The following FGF14 variants were observed in gnomAD, a reference collection of about 807,000 sequenced individuals.
FGF14 encodes fibroblast growth factor 14, also known as fibroblast growth factor homologous factor 4.
A neutral mutation model predicts 25.5 loss-of-function variants in FGF14; 5 were observed. The ratio of observed to expected loss-of-function variants is 0.20; its 90% CI spans 0.10 to 0.41. FGF14 has a LOEUF of 0.41. FGF14 is among the 10% of genes least tolerant of loss of function. The pLI is 1.00. For synonymous variants in FGF14, 138 were observed against 118.3 expected (o/e 1.17, Z -1.08); for missense variants, 222 against 320.1 (o/e 0.69, Z 2.34).
chr13:102,114,013 A>G (rs2045350775), intron 1 of FGF14, among the ~76,000 whole-genome samples: 1 of 152,208 alleles, frequency 6.6e-6, no homozygotes, highest in African/African-American at 2.4e-5. Flanking sequence ...AACAAGATCC[A>G]ATCCTTCAAC....
chr13:101,914,341 A>G (rs929572253), intron 1 of FGF14, among the ~76,000 whole-genome samples: 3 of 151,794 alleles, frequency 2.0e-5, no homozygotes, highest in Non-Finnish European at 4.4e-5. Context: ...CTCAAGAGAT[A>G]TATCTGTATT....
chr13:102,050,381 T>C (rs1014636214), intron 1 of FGF14, among the ~76,000 whole-genome samples: 26 of 152,142 alleles, frequency 1.7e-4, no homozygotes, highest in Admixed American at 3.9e-4. Context: ...ATGGTCATCA[T>C]CTCTTCCATC....
chr13:101,877,276 A>G (rs1195559295), intron 1 of FGF14, among the ~76,000 whole-genome samples: 1 of 152,118 alleles, frequency 6.6e-6, no homozygotes, highest in East Asian at 1.9e-4. Flanking sequence ...ATACAACCAA[A>G]TTGATTTTGA....
chr13:101,818,934 T>G (rs2041976763), intron 3 of FGF14, among the ~76,000 whole-genome samples: 1 of 152,154 alleles, frequency 6.6e-6, no homozygotes, highest in Non-Finnish European at 1.5e-5. Context: ...GGTCAAAAAT[T>G]ACCCCTTTCA....
chr13:102,026,747 C>A (rs2040948146), intron 1 of FGF14, among the ~76,000 whole-genome samples: 1 of 151,886 alleles, frequency 6.6e-6, no homozygotes, highest in Non-Finnish European at 1.5e-5. Flanking sequence ...TATAAAGGTT[C>A]AGACTTTAAT....
chr13:101,789,858 C>G (rs1175728077), intron 3 of FGF14, among the ~76,000 whole-genome samples: 1 of 151,222 alleles, frequency 6.6e-6, no homozygotes, highest in African/African-American at 2.4e-5. Context: ...AGACAATTTT[C>G]AGAATCTCCT....
chr13:102,116,397 T>A (rs907761649), intron 1 of FGF14, among the ~76,000 whole-genome samples: 9 of 152,130 alleles, frequency 5.9e-5, no homozygotes, highest in African/African-American at 2.2e-4. Context: ...CATGTGTATA[T>A]ATGCACGTAT....
intron 1 of FGF14, among the ~76,000 whole-genome samples, chr13:102,257,921 G>A (rs1455017523): frequency 6.6e-6 from 1 of 152,138 alleles, no homozygotes; most frequent in Non-Finnish European, 1.5e-5. Flanking sequence ...CTATAGCTGT[G>A]TATTAGTCTG....
chr13:102,320,201 T>C (rs547861401), intron 1 of FGF14, among the ~76,000 whole-genome samples: 1 of 151,160 alleles, frequency 6.6e-6, no homozygotes, highest in Non-Finnish European at 1.5e-5. Flanking sequence ...AAAGAATGAG[T>C]TCTATCACCC....
intron 1 of FGF14, among the ~76,000 whole-genome samples, chr13:102,341,518 T>C (rs2056950961): frequency 1.3e-5 from 2 of 152,142 alleles, no homozygotes; most frequent in Non-Finnish European, 2.9e-5. Flanking sequence ...GATGTATAAT[T>C]AAAGGCTGTT....
At chr13:102,284,476 G>T (rs1318775092) in intron 1 of FGF14, among the ~76,000 whole-genome samples, 2 of 151,584 alleles carry the variant, frequency 1.3e-5, no homozygotes, top group African/African-American at 4.8e-5. Context: ...AGCAATAAAG[G>T]AATAAACAGT....
chr13:102,077,472 C>G (rs2140178494), intron 1 of FGF14, among the ~76,000 whole-genome samples: 1 of 152,178 alleles, frequency 6.6e-6, no homozygotes, highest in South Asian at 2.1e-4. Context: ...TTCTTAAAAA[C>G]AGGTAAAGGA....
intron 1 of FGF14, among the ~76,000 whole-genome samples, chr13:102,338,357 G>C (rs1352682273): frequency 6.6e-6 from 1 of 152,160 alleles, no homozygotes; most frequent in African/African-American, 2.4e-5. Context: ...AAACAGTTAA[G>C]TTTCTGCTTC....
chr13:102,224,893 G>A (rs751609230), intron 1 of FGF14, among the ~76,000 whole-genome samples: 1 of 152,042 alleles, frequency 6.6e-6, no homozygotes, highest in Non-Finnish European at 1.5e-5. Flanking sequence ...CTGCAACCTC[G>A]TCCTCAATGC....
chr13:101,754,054 C>A (rs1002468049), intron 3 of FGF14, among the ~76,000 whole-genome samples: 3 of 152,166 alleles, frequency 2.0e-5, no homozygotes, highest in African/African-American at 4.8e-5. Context: ...ATAGCCATTT[C>A]TTTGCCTTTT....
chr13:102,023,610 C>T (rs1220504959), intron 1 of FGF14, among the ~76,000 whole-genome samples: 1 of 152,016 alleles, frequency 6.6e-6, no homozygotes, highest in Non-Finnish European at 1.5e-5. Context: ...TCTTCCCTTT[C>T]CCCAGCCCCT....
At chr13:102,180,318 T>C (rs994129287) in intron 1 of FGF14, among the ~76,000 whole-genome samples, 6 of 152,076 alleles carry the variant, frequency 3.9e-5, no homozygotes, top group Admixed American at 2.0e-4. Context: ...TTCATTACTT[T>C]TTACTTTTTT....
At chr13:102,012,402 C>G (rs2040129830) in intron 1 of FGF14, among the ~76,000 whole-genome samples, 1 of 152,132 alleles carries the variant, frequency 6.6e-6, no homozygotes, top group Non-Finnish European at 1.5e-5. Context: ...TCCTAGCAGG[C>G]CTTTGTTATG....
intron 1 of FGF14, among the ~76,000 whole-genome samples, chr13:101,961,738 C>T (rs1294197233): frequency 6.6e-6 from 1 of 152,158 alleles, no homozygotes; most frequent in Non-Finnish European, 1.5e-5. Context: ...TTGCTCAGCA[C>T]TTCTCCTTGC....
Sources: allele counts gnomAD v4.1 joint callset (sites outside exome capture counted in the v4.1 genomes callset), GRCh38; gene constraint gnomAD v4.1.1; transcripts MANE v1.5; gene names NCBI Gene and HGNC (gene_info 2026-07-23, HGNC 2026-07-21).